Variants in ATP11C observed in about 807,000 individuals in gnomAD.
ATP11C encodes ATPase phospholipid transporting 11C (ATP11C blood group).
A neutral mutation model predicts 97.4 loss-of-function variants in ATP11C; 36 were observed. The ratio of observed to expected loss-of-function variants is 0.37; its 90% CI spans 0.28 to 0.49. The LOEUF (loss-of-function observed/expected upper bound fraction) is 0.49, where lower values mean the gene tolerates loss of function less well. Among genes scored for constraint, ATP11C ranks in the 20% least tolerant of loss-of-function variants. The pLI, the probability that ATP11C is intolerant of heterozygous loss-of-function variation, is 0.98. For synonymous variants in ATP11C, 275 were observed against 290.9 expected (o/e 0.95, Z 0.56); for missense variants, 730 against 824.6 (o/e 0.89, Z 1.40).
At chrX:139,788,097 T>TG (rs774915335) in intron 14 of ATP11C, 95 bp downstream of exon 14, 293 of 829,637 alleles carry the variant, frequency 3.5e-4, no homozygotes, top group Non-Finnish European at 4.7e-4. Flanking sequence ...GAGATGTATG[T>TG]GCTAAGGTCA....
chrX:139,778,232 A>T (rs2082386275), intron 18 of ATP11C, among the ~76,000 whole-genome samples: 1 of 111,663 alleles, frequency 9.0e-6, no homozygotes, highest in African/African-American at 3.3e-5. Context: ...AATTAAGGAA[A>T]AATAAAGTTT....
chrX:139,734,383 A>C (rs2081403400), intron 28 of ATP11C, among the ~76,000 whole-genome samples: 1 of 111,363 alleles, frequency 9.0e-6, no homozygotes, highest in Non-Finnish European at 1.9e-5. Flanking sequence ...AAGCACGGCC[A>C]TGTTGCTGGG....
chrX:139,892,590 T>C (rs1048086405), intron 1 of ATP11C, among the ~76,000 whole-genome samples: 2 of 111,713 alleles, frequency 1.8e-5, no homozygotes, highest in African/African-American at 3.3e-5. Flanking sequence ...GTGCCAACCA[T>C]TGTACCCATA....
intron 7 of ATP11C, 64 bp from the exon 8 acceptor site, chrX:139,800,174 T>C (rs1166780893): frequency 2.5e-6 from 2 of 786,482 alleles, no homozygotes; most frequent in East Asian, 3.2e-5. Flanking sequence ...GTACCAGAAA[T>C]ATGAGAATGA....
At chrX:139,936,360 T>A (rs1015525438), upstream of ATP11C, among the ~76,000 whole-genome samples, 13 of 111,317 alleles carry the variant, frequency 1.2e-4, no homozygotes, top group African/African-American at 3.6e-4. Flanking sequence ...TGTAGAAAGC[T>A]GTTGTCTGTG....
upstream of ATP11C, among the ~76,000 whole-genome samples, chrX:139,934,583 C>A (rs1159035870): frequency 1.3e-4 from 12 of 90,317 alleles, no homozygotes; most frequent in African/African-American, 5.1e-4. Context: ...GAGACAGTCT[C>A]ACTCTGTCAC....
intron 1 of ATP11C, among the ~76,000 whole-genome samples, chrX:139,914,293 G>T (rs1281539555): frequency 8.9e-6 from 1 of 112,264 alleles, no homozygotes; most frequent in African/African-American, 3.2e-5. Flanking sequence ...TTCTTTAATA[G>T]TTCTAGGATT....
At position 139,774,689 on chromosome X, in the gene ATP11C, C is replaced by G; in HGVS notation, c.2216+1G>C. Reference sequence around the variant, plus strand: ...TATAAGAAACTGATGTACTTTCTTACTTTTTAAAGCTTCTAGTACTTTTAG... The same window carrying G: ...TATAAGAAACTGATGTACTTTCTTAGTTTTTAAAGCTTCTAGTACTTTTAG... On this transcript the variant is annotated splice_donor_variant, in intron 19 of 29. Coordinates refer to ENST00000682941, the MANE Select transcript of ATP11C (RefSeq NM_001353812.2). LOFTEE classifies it high-confidence loss of function. 1 of 1,201,150 alleles carries G rather than the reference C, an allele frequency of 8.3e-7. No homozygotes were observed. The highest frequency in any genetic ancestry group is 1.1e-6 in the Non-Finnish European group (1 of 888,816).
chrX:139,771,458 G>A lies in ATP11C; in HGVS notation c.2217-3024C>T, dbSNP rs140913600. On this transcript the variant is annotated intron_variant, in intron 19 of 29. Transcript: ENST00000682941. The stretch of plus-strand genomic sequence containing the variant: ...TGCTGAAAAGATAACCAAAACTGTG[G>A]ACGCAACTTTGGAACTGGGTAACAG... 3.7e-3 allele frequency among the ~76,000 whole-genome samples: 418 copies of A among 111,685 alleles called. 2 individuals carry two copies. The highest frequency in any genetic ancestry group is 0.013 in the African/African-American group (390 of 30,768).
intron 27 of ATP11C, among the ~76,000 whole-genome samples, chrX:139,739,304 A>C (rs747875067): frequency 9.4e-6 from 1 of 106,918 alleles, no homozygotes; most frequent in Non-Finnish European, 1.9e-5. Context: ...TTTTTTTTTT[A>C]ACCTCCATGT....
intron 22 of ATP11C, among the ~76,000 whole-genome samples, chrX:139,759,434 C>T: frequency 8.9e-6 from 1 of 112,136 alleles, no homozygotes; most frequent in East Asian, 2.8e-4. Flanking sequence ...TATGGTAAGA[C>T]AGGGTCACAC....
intron 5 of ATP11C, among the ~76,000 whole-genome samples, chrX:139,810,989 T>C (rs2083163916): frequency 9.0e-6 from 1 of 110,875 alleles, no homozygotes; most frequent in African/African-American, 3.3e-5. Context: ...CTTGAGAGCA[T>C]GAACCATCTC....
At chrX:139,792,792 C>T (rs767201781) in intron 12 of ATP11C, among the ~76,000 whole-genome samples, 7 of 112,222 alleles carry the variant, frequency 6.2e-5, no homozygotes, top group Middle Eastern at 4.6e-3. Context: ...GGAAGCTAAA[C>T]ACCCTTTCCC....
chrX:139,823,210 AAAAC>A (rs1006564175), intron 2 of ATP11C, among the ~76,000 whole-genome samples: 49 of 111,771 alleles, frequency 4.4e-4, no homozygotes, highest in African/African-American at 1.4e-3. Flanking sequence ...TCTTGTCTCA[AAAAC>A]AAACAAACAA....
chrX:139,894,620 TAGAAA>T (rs1020137871), intron 1 of ATP11C, among the ~76,000 whole-genome samples: 2 of 111,179 alleles, frequency 1.8e-5, no homozygotes, highest in Admixed American at 9.6e-5. Context: ...TCAAAATACC[TAGAAA>T]AGAAGATTCC....
chrX:139,909,538 TACACACACAC>T (rs371406757), intron 1 of ATP11C, among the ~76,000 whole-genome samples: 1 of 107,879 alleles, frequency 9.3e-6, no homozygotes, highest in Non-Finnish European at 1.9e-5. Flanking sequence ...ACTAAACACA[TACACACACAC>T]ACACACACCC....
At chrX:139,893,351 G>A (rs2084759097) in intron 1 of ATP11C, among the ~76,000 whole-genome samples, 1 of 111,679 alleles carries the variant, frequency 9.0e-6, no homozygotes, top group African/African-American at 3.3e-5. Context: ...TAAGCCACCA[G>A]GCCTGGTCAA....
chrX:139,852,196 C>T (rs2084001820), intron 1 of ATP11C, among the ~76,000 whole-genome samples: 1 of 110,074 alleles, frequency 9.1e-6, no homozygotes, highest in Non-Finnish European at 1.9e-5. Context: ...ACCATTGTTC[C>T]ATCTGTAAGG....
At chrX:139,929,070 C>T (rs149004435) in intron 1 of ATP11C, among the ~76,000 whole-genome samples, 305 of 112,297 alleles carry the variant, frequency 2.7e-3, no homozygotes, top group African/African-American at 9.5e-3. Context: ...ACCCTTAAAT[C>T]TCAACTAGTC....
Sources: gnomAD v4.1 joint callset for allele counts (sites outside exome capture counted in the v4.1 genomes callset) on GRCh38, gnomAD v4.1.1 for gene constraint, MANE v1.5 for transcripts, NCBI Gene and HGNC (gene_info 2026-07-23, HGNC 2026-07-21) for gene names.